The following GABBR2 variants were observed in gnomAD, a reference collection of about 807,000 sequenced individuals.
GABBR2 encodes gamma-aminobutyric acid type B receptor subunit 2.
Under a neutral mutation model 105.6 loss-of-function variants are expected in GABBR2, and 23 were observed. The observed-to-expected ratio is 0.22, with a 90% CI of 0.16 to 0.31. The LOEUF is 0.31. Among genes scored for constraint, GABBR2 ranks in the 10% least tolerant of loss-of-function variants. The probability of loss-of-function intolerance (pLI) is 1.00; values close to 1 mark genes in which losing one functional copy is unlikely to be tolerated. For missense variants in GABBR2, 734 were observed against 1,245.5 expected, an observed-to-expected ratio of 0.59 and a Z score of 6.18; for synonymous variants, 478 against 499.7, an observed-to-expected ratio of 0.96 and a Z score of 0.58.
chr9:98,555,552 G>C (rs182438644), intron 2 of GABBR2: 8 of 152,304 alleles, frequency 5.3e-5, no homozygotes, highest in Admixed American at 5.2e-4. Context: ...AGCCTCTTTG[G>C]TTTCCTCGGC....
At chr9:98,564,968 C>T (rs755958225) in intron 2 of GABBR2, among the ~76,000 whole-genome samples, 4 of 152,024 alleles carry the variant, frequency 2.6e-5, no homozygotes, top group South Asian at 4.1e-4. Context: ...AGGACTGAGC[C>T]GGGGAGGAGG....
intron 13 of GABBR2, among the ~76,000 whole-genome samples, chr9:98,350,626 A>C (rs1831382001): frequency 6.6e-6 from 1 of 152,170 alleles, no homozygotes; most frequent in Admixed American, 6.5e-5. Context: ...CGATGTAAAA[A>C]AAATTTGTCG....
rs143744594 is a variant in GABBR2, at chr9:98,520,688, G to A, written c.630+21185C>T. ...AAGGGGATGGAAACTTGGAGGCAGG[G>A]GAATGGTTTCTTCTGTTTCCACTTA... On this transcript the variant is annotated intron_variant, in intron 3 of 18. Coordinates refer to ENST00000259455, the MANE Select transcript of GABBR2 (RefSeq NM_005458.8). Among the ~76,000 whole-genome samples the A allele has an allele frequency of 4.5e-4, 68 of 152,326 alleles. 1 individual carries two copies. In the East Asian group the frequency reaches 0.012, roughly 28 times the overall value.
intron 8 of GABBR2, among the ~76,000 whole-genome samples, chr9:98,396,426 T>C (rs894368852): frequency 1.3e-5 from 2 of 152,168 alleles, no homozygotes; most frequent in African/African-American, 4.8e-5. Flanking sequence ...GAACAGGGAA[T>C]CCCCTGGGCC....
At chr9:98,651,168 C>G in intron 1 of GABBR2, among the ~76,000 whole-genome samples, 1 of 136,818 alleles carries the variant, frequency 7.3e-6, no homozygotes, top group Admixed American at 7.8e-5. Context: ...TTTTTTGAGA[C>G]AGTGTTACTC....
intron 2 of GABBR2, among the ~76,000 whole-genome samples, chr9:98,575,927 C>T (rs540994786): frequency 5.9e-5 from 9 of 152,336 alleles, no homozygotes; most frequent in South Asian, 4.1e-4. Flanking sequence ...TCCTCTGCAG[C>T]GGCGCTCTCC....
chr9:98,289,743 C>T lies in GABBR2; in HGVS notation c.*841G>A, dbSNP rs1161318167. ...CTGGGAACAGACATTCCATGATTAG[C>T]TCGGGTGGTCCCCCTGGTTACTGGG... On this transcript the variant is annotated 3_prime_UTR_variant, in exon 19 of 19. Transcript: ENST00000259455. 1 of 152,612 alleles carries T rather than the reference C, an allele frequency of 6.6e-6. No homozygotes were observed. The highest frequency in any genetic ancestry group is 2.4e-5 in the African/African-American group (1 of 41,414). 9.5% of individuals were successfully genotyped at this position (152,612 alleles called of 1,614,324 possible).
intron 1 of GABBR2, among the ~76,000 whole-genome samples, chr9:98,647,393 C>T (rs1468825123): frequency 1.3e-5 from 2 of 152,220 alleles, no homozygotes; most frequent in Non-Finnish European, 2.9e-5. Context: ...AAAGCCCAGC[C>T]CAGGAAATGC....
chr9:98,625,944 C>A (rs148391228), intron 1 of GABBR2, among the ~76,000 whole-genome samples: 2 of 151,626 alleles, frequency 1.3e-5, no homozygotes, highest in African/African-American at 2.4e-5. Flanking sequence ...GCCTTCAAAG[C>A]CTGACGTACC....
At chr9:98,533,587 G>T (rs1326030276) in intron 3 of GABBR2, among the ~76,000 whole-genome samples, 3 of 152,172 alleles carry the variant, frequency 2.0e-5, no homozygotes, top group East Asian at 3.9e-4. Flanking sequence ...CAGGGTGAGG[G>T]GACACAGGGA....
chr9:98,358,230 T>C (rs1831522434), intron 13 of GABBR2, among the ~76,000 whole-genome samples: 1 of 152,210 alleles, frequency 6.6e-6, no homozygotes, highest in South Asian at 2.1e-4. Context: ...TGTGTCCTAG[T>C]GGAATAGCTG....
chr9:98,588,889 C>T (rs1178045674), intron 1 of GABBR2, among the ~76,000 whole-genome samples: 1 of 152,148 alleles, frequency 6.6e-6, no homozygotes, highest in African/African-American at 2.4e-5. Context: ...GGAAAAAATG[C>T]AAGGACCTGA....
chr9:98,492,349 T>TTAAAAAAAAAAAAAAA (rs752135873), intron 4 of GABBR2, among the ~76,000 whole-genome samples: 45 of 29,220 alleles, frequency 1.5e-3, no homozygotes, highest in Non-Finnish European at 2.9e-3. Context: ...TGTTTCCTAG[T>TTAAAAAAAAAAAAAAA]AAAAAAAAAA....
At chr9:98,384,677 C>A (rs1256166850) in intron 11 of GABBR2, among the ~76,000 whole-genome samples, 1 of 152,134 alleles carries the variant, frequency 6.6e-6, no homozygotes, top group Admixed American at 6.5e-5. Flanking sequence ...TAAAAATAAT[C>A]TTTCTAATGT....
rs149601010 is a variant in GABBR2 at position 98,475,838 on chromosome 9, G to A, written c.799-2492C>T. Among the ~76,000 whole-genome samples the A allele has an allele frequency of 9.3e-4, 141 of 152,256 alleles. 1 individual carries two copies. Among genetic ancestry groups the A allele is most frequent in the African/African-American group, 2.7e-3 (111 of 41,544 alleles). On this transcript the variant is annotated intron_variant, in intron 5 of 18. Transcript: ENST00000259455. ...AGCACTTTGGGAGGCCGAGGTGGGC[G>A]GATCACTTGAGGTCAGGAGTTCAAG...
At position 98,548,697 on chromosome 9, in the gene GABBR2, C is replaced by A. The variant is rs1345048530; in HGVS notation, c.460-6654G>T. ...TTTCTAGTTGATATGAGTCCTGAGT[C>A]TAACTCAGATTGTAGGGGAGAAAGG... On this transcript the variant is annotated intron_variant, in intron 2 of 18. Transcript: ENST00000259455. 2.5e-5 allele frequency among the ~76,000 whole-genome samples: 3 copies of A among 119,800 alleles called. 1 individual carries two copies. In the Admixed American group the frequency reaches 2.8e-4, roughly 11 times the overall value. The allele number at this position is 119,800 out of a possible 152,430, so 78.6% of individuals were successfully genotyped here.
intron 2 of GABBR2, among the ~76,000 whole-genome samples, chr9:98,543,602 C>T (rs1031995128): frequency 2.0e-5 from 3 of 152,140 alleles, no homozygotes; most frequent in African/African-American, 7.2e-5. Flanking sequence ...TGGGCTCAAG[C>T]CTCTGGCCTC....
intron 1 of GABBR2, among the ~76,000 whole-genome samples, chr9:98,619,865 G>T (rs1452042524): frequency 6.6e-6 from 1 of 152,180 alleles, no homozygotes; most frequent in Non-Finnish European, 1.5e-5. Flanking sequence ...GGGGAGAAAG[G>T]AGGGTTCATC....
chr9:98,369,224 G>A (rs542357529), intron 12 of GABBR2, among the ~76,000 whole-genome samples: 5 of 152,322 alleles, frequency 3.3e-5, no homozygotes, highest in Admixed American at 2.0e-4. Context: ...CCCTCCATGC[G>A]AGCACAGGGA....
Sources: allele counts gnomAD v4.1 joint callset (sites outside exome capture counted in the v4.1 genomes callset), GRCh38; gene constraint gnomAD v4.1.1; transcripts MANE v1.5; gene names NCBI Gene and HGNC (gene_info 2026-07-23, HGNC 2026-07-21).